Variants in DTWD2 observed in about 807,000 individuals in gnomAD.
DTWD2 encodes the protein DTW motif tRNA-uridine aminocarboxypropyltransferase 2.
Under a neutral mutation model 31.8 loss-of-function variants are expected in DTWD2, and 39 were observed. The ratio of observed to expected loss-of-function variants is 1.22; its 90% CI spans 0.95 to 1.60. The LOEUF (loss-of-function observed/expected upper bound fraction) is 1.60, where lower values mean the gene tolerates loss of function less well. Among genes scored for constraint, DTWD2 ranks in the 40% most tolerant of loss-of-function variants. The pLI is 0.00. For synonymous variants in DTWD2, 180 were observed against 142.8 expected (o/e 1.26, Z -1.86); for missense variants, 515 against 381.5 (o/e 1.35, Z -2.92).
At chr5:118,852,242 T>C (rs1483617973) in intron 4 of DTWD2, among the ~76,000 whole-genome samples, 2 of 152,198 alleles carry the variant, frequency 1.3e-5, no homozygotes, top group African/African-American at 4.8e-5. Flanking sequence ...ATTTCCAAGG[T>C]GCACTGGTTT....
intron 4 of DTWD2, among the ~76,000 whole-genome samples, chr5:118,866,787 C>T (rs1012509301): frequency 1.8e-4 from 28 of 151,870 alleles, no homozygotes; most frequent in Admixed American, 6.6e-4. Flanking sequence ...CGTGATGGCA[C>T]GTGCCTGTAA....
chr5:118,895,375 T>G (rs544761540), intron 4 of DTWD2, among the ~76,000 whole-genome samples: 1 of 152,094 alleles, frequency 6.6e-6, no homozygotes, highest in South Asian at 2.1e-4. Context: ...TACAAAAAAA[T>G]GGAAAGATAT....
intron 4 of DTWD2, among the ~76,000 whole-genome samples, chr5:118,872,477 A>G (rs914072742): frequency 6.6e-6 from 1 of 152,204 alleles, no homozygotes; most frequent in South Asian, 2.1e-4. Context: ...ATTCTAGGAT[A>G]TTAATTGGCC....
At chr5:118,958,444 C>T (rs996230002) in intron 1 of DTWD2, among the ~76,000 whole-genome samples, 2 of 151,668 alleles carry the variant, frequency 1.3e-5, no homozygotes, top group African/African-American at 2.4e-5. Context: ...GGCAACAAAG[C>T]AAGACTCCGT....
chr5:118,904,938 A>T lies in DTWD2; in HGVS notation c.597+23599T>A, dbSNP rs1438903698. 2.6e-5 allele frequency among the ~76,000 whole-genome samples: 4 copies of T among 152,138 alleles called. No individual in the cohort carries two copies. The East Asian group carries it at 5.8e-4, about 22-fold the overall frequency. Reference sequence around the variant, plus strand: ...AGGCAGGAAGCAGAGAACAGAGAACATTCAGGGAAGGTAAGAGTTTAGCAG... The same window carrying T: ...AGGCAGGAAGCAGAGAACAGAGAACTTTCAGGGAAGGTAAGAGTTTAGCAG... On this transcript the variant is annotated intron_variant, in intron 4 of 5. Transcript: ENST00000510708.
At chr5:118,963,654 T>C (rs1003425445) in intron 1 of DTWD2, among the ~76,000 whole-genome samples, 2 of 152,170 alleles carry the variant, frequency 1.3e-5, no homozygotes, top group African/African-American at 4.8e-5. Context: ...AGAAAACTAC[T>C]TCAATTAGCA....
Position 118,840,698 on chromosome 5 carries a change from A to T in DTWD2, c.*219T>A. On this transcript the variant is annotated 3_prime_UTR_variant, in exon 6 of 6. Transcript: ENST00000510708. ...AAACATGTATTAGAGGCACATTTTT[A>T]AAAACAAGTACAGTAGGAAATCCTG... The T allele has an allele frequency of 2.6e-6, 1 of 386,418 alleles. No individual in the cohort carries two copies. The highest frequency in any genetic ancestry group is 4.3e-6 in the Non-Finnish European group (1 of 232,784). The allele number at this position is 386,418 out of a possible 1,614,324, so 23.9% of individuals were successfully genotyped here.
intron 4 of DTWD2, among the ~76,000 whole-genome samples, chr5:118,867,384 T>C (rs891636591): frequency 1.3e-5 from 2 of 152,132 alleles, no homozygotes; most frequent in Admixed American, 1.3e-4. Context: ...TCCTTACAAC[T>C]ATACTCCAGC....
At chr5:118,975,499 A>G (rs926127755) in intron 1 of DTWD2, among the ~76,000 whole-genome samples, 2 of 152,092 alleles carry the variant, frequency 1.3e-5, no homozygotes, top group Admixed American at 6.6e-5. Flanking sequence ...GGAATTTGAT[A>G]TTACCCACTT....
At chr5:118,848,267 T>A in intron 4 of DTWD2, 49 bp from the exon 5 acceptor site, 4 of 1,506,326 alleles carry the variant, frequency 2.7e-6, no homozygotes, top group Non-Finnish European at 3.6e-6. Context: ...AAATTTAAAA[T>A]TATAAAGTTT....
At chr5:118,984,499 A>G (rs1283615354) in intron 1 of DTWD2, among the ~76,000 whole-genome samples, 1 of 152,026 alleles carries the variant, frequency 6.6e-6, no homozygotes, top group Non-Finnish European at 1.5e-5. Flanking sequence ...AGTTTGTTAC[A>G]AGAACTAAAT....
At chr5:118,854,439 T>A (rs1023265277) in intron 4 of DTWD2, among the ~76,000 whole-genome samples, 2 of 151,854 alleles carry the variant, frequency 1.3e-5, no homozygotes, top group African/African-American at 2.4e-5. Context: ...GAAATCGACA[T>A]CAAGAATATA....
chr5:118,899,327 A>G (rs889562581), intron 4 of DTWD2, among the ~76,000 whole-genome samples: 2 of 152,344 alleles, frequency 1.3e-5, no homozygotes, highest in African/African-American at 2.4e-5. Flanking sequence ...TTTATGAAAT[A>G]TGGTGTATGT....
intron 4 of DTWD2, among the ~76,000 whole-genome samples, chr5:118,925,700 C>G (rs934280968): frequency 2.0e-5 from 3 of 151,824 alleles, no homozygotes; most frequent in African/African-American, 7.3e-5. Flanking sequence ...AAAAAATTAG[C>G]CGGGCGCAGT....
In DTWD2 at chr5:118,849,572, C is replaced by T. The variant is rs563657126; in HGVS notation, c.598-1354G>A. ...AATCATTCTACTATAAAGATGCATG[C>T]ACACATATGTTTATTGCAGCATTAT... is the stretch of plus-strand genomic sequence containing the variant. On this transcript the variant is annotated intron_variant, in intron 4 of 5. Transcript: ENST00000510708. Among the ~76,000 whole-genome samples, 19 of 152,270 alleles carry T rather than the reference C, an allele frequency of 1.2e-4. No homozygotes were observed. In the South Asian group the frequency reaches 3.3e-3, roughly 27 times the overall value.
intron 4 of DTWD2, among the ~76,000 whole-genome samples, chr5:118,850,556 T>G (rs550910064): frequency 1.4e-3 from 187 of 137,382 alleles, no homozygotes; most frequent in African/African-American, 4.8e-3. Context: ...CCAAGGACTA[T>G]AGAAATCCTG....
Position 118,906,913 on chromosome 5 carries a change from C to T in DTWD2, c.597+21624G>A, listed in dbSNP as rs139797946. Among the ~76,000 whole-genome samples, 637 of 152,240 alleles carry T rather than the reference C, an allele frequency of 4.2e-3. 2 individuals carry two copies. Among genetic ancestry groups the T allele is most frequent in the African/African-American group, 0.015 (605 of 41,552 alleles). Reference sequence around the variant, plus strand: ...ATAAATATAAGGCAATGTTACATCACATTTTTAGTAGACTTTATGGAAAGA... The same window carrying T: ...ATAAATATAAGGCAATGTTACATCATATTTTTAGTAGACTTTATGGAAAGA... On this transcript the variant is annotated intron_variant, in intron 4 of 5. Coordinates refer to ENST00000510708, the MANE Select transcript of DTWD2 (RefSeq NM_173666.4).
rs933935474 is a variant in DTWD2, at chr5:118,984,091, A to C, written c.218+4203T>G. Among the ~76,000 whole-genome samples the C allele has an allele frequency of 2.0e-5, 3 of 152,186 alleles. 1 individual carries two copies. The East Asian group carries it at 5.8e-4, about 29-fold the overall frequency. On this transcript the variant is annotated intron_variant, in intron 1 of 5. Transcript: ENST00000510708. ...CACCTGAGGTTGGAAGCTCGAGACCAGCCTGACCAACATGGAGAAGCCCCA... is the reference window on the plus strand; with the variant it reads ...CACCTGAGGTTGGAAGCTCGAGACCCGCCTGACCAACATGGAGAAGCCCCA...
At chr5:118,981,311 A>G (rs1486738855) in intron 1 of DTWD2, among the ~76,000 whole-genome samples, 1 of 152,156 alleles carries the variant, frequency 6.6e-6, no homozygotes, top group African/African-American at 2.4e-5. Flanking sequence ...TAATGTCACT[A>G]AACTGTACAC....
Sources: gnomAD v4.1 joint callset for allele counts (sites outside exome capture counted in the v4.1 genomes callset) on GRCh38, gnomAD v4.1.1 for gene constraint, MANE v1.5 for transcripts, NCBI Gene and HGNC (gene_info 2026-07-23, HGNC 2026-07-21) for gene names.